APPL2: variants seen among roughly 807,000 people sequenced by gnomAD.
APPL2 encodes the protein adaptor protein, phosphotyrosine interacting with PH domain and leucine zipper 2.
Under a neutral mutation model 92.7 loss-of-function variants are expected in APPL2, and 84 were observed. That is an observed-to-expected ratio of 0.91 (90% CI 0.76 to 1.09). The LOEUF is 1.09. Among genes scored for constraint, APPL2 ranks in the 50% least tolerant of loss-of-function variants. The pLI is 0.00. For synonymous variants in APPL2, 291 were observed against 291.0 expected (o/e 1.00, Z 0.00); for missense variants, 736 against 824.5 (o/e 0.89, Z 1.31).
intron 16 of APPL2, among the ~76,000 whole-genome samples, chr12:105,188,939 A>AGTCCTGG (rs927697727): frequency 1.0e-4 from 16 of 152,394 alleles, no homozygotes; most frequent in Admixed American, 3.9e-4. Context: ...AAAGGAAGTC[A>AGTCCTGG]GTCCTGGCTG....
rs370440032 is a variant in APPL2 at position 105,191,753 on chromosome 12, C to T, written c.1242-1598G>A. Reference sequence around the variant, plus strand: ...TTAAAGCATCTAACACAGCTGATCTCTCCTTGAACTCTCCTCTCGGTTTCG... The same window carrying T: ...TTAAAGCATCTAACACAGCTGATCTTTCCTTGAACTCTCCTCTCGGTTTCG... On this transcript the variant is annotated intron_variant, in intron 14 of 20. Coordinates refer to ENST00000258530, the MANE Select transcript of APPL2 (RefSeq NM_018171.5). Among the ~76,000 whole-genome samples, 28 of 152,326 alleles carry T rather than the reference C, an allele frequency of 1.8e-4. No individual in the cohort carries two copies. The East Asian group carries it at 4.2e-3, about 23-fold the overall frequency.
At position 105,236,123 on chromosome 12, in the gene APPL2, G is replaced by A. The variant is rs930646187; in HGVS notation, c.-111C>T. ...TCAGGCGACGCGGCGGCCACTCCGTGCCCGCGGCGGCCCCGCGCGCGTCCA... is the reference window on the plus strand; with the variant it reads ...TCAGGCGACGCGGCGGCCACTCCGTACCCGCGGCGGCCCCGCGCGCGTCCA... On this transcript the variant is annotated 5_prime_UTR_variant, in exon 1 of 21. Coordinates refer to ENST00000258530, the MANE Select transcript of APPL2 (RefSeq NM_018171.5). 5.6e-6 allele frequency: 4 copies of A among 716,012 alleles called. No individual in the cohort carries two copies. In the African/African-American group the frequency reaches 6.0e-5, roughly 11 times the overall value. 44.4% of individuals were successfully genotyped at this position (716,012 alleles called of 1,614,324 possible).
chr12:105,192,971 C>A (rs571172621), intron 14 of APPL2, among the ~76,000 whole-genome samples: 33 of 152,318 alleles, frequency 2.2e-4, no homozygotes, highest in Admixed American at 3.9e-4. Flanking sequence ...TTTCCCCCCC[C>A]ACTGTCATCA....
chr12:105,204,407 A>G (rs1888523649), intron 8 of APPL2, among the ~76,000 whole-genome samples: 1 of 152,156 alleles, frequency 6.6e-6, no homozygotes, highest in Admixed American at 6.5e-5. Context: ...GCTAGCAGGT[A>G]TTCTCAGCAT....
At position 105,174,115 on chromosome 12, in the gene APPL2, C is replaced by T. The variant is rs1326302054; in HGVS notation, c.*199G>A. 1.8e-6 allele frequency: 1 copy of T among 551,878 alleles called. No homozygotes were observed. The highest frequency in any genetic ancestry group is 2.9e-6 in the Non-Finnish European group (1 of 339,184). The allele number at this position is 551,878 out of a possible 1,614,324, so 34.2% of individuals were successfully genotyped here. A position where few individuals can be genotyped will look rare whatever the true frequency, so the allele number is the denominator to read the frequency against. On this transcript the variant is annotated 3_prime_UTR_variant, in exon 21 of 21. Coordinates refer to ENST00000258530, the MANE Select transcript of APPL2 (RefSeq NM_018171.5). ...ACTTACCACAAAGCACCTAAAATAA[C>T]ATTGTAGATGGGTGGGAACGCTGTC...
intron 2 of APPL2, among the ~76,000 whole-genome samples, chr12:105,223,700 GGAT>G (rs1293230537): frequency 3.5e-4 from 54 of 152,182 alleles, no homozygotes; most frequent in African/African-American, 1.3e-3. Flanking sequence ...CTTCAAGAAA[GGAT>G]GAGAGGACTA....
In APPL2 at chr12:105,173,735, AC is replaced by A. The variant is rs1262672234; in HGVS notation, c.*578del. 1 of 152,322 alleles carries A rather than the reference AC, an allele frequency of 6.6e-6. No individual in the cohort carries two copies. The highest frequency in any genetic ancestry group is 1.5e-5 in the Non-Finnish European group (1 of 68,052). 9.4% of individuals were successfully genotyped at this position (152,322 alleles called of 1,614,324 possible). ...TTATTGCTTGATGTCTGGAACAGTT[AC>A]CGAAACTAGACCTGTATCGCGCATC... On this transcript the variant is annotated 3_prime_UTR_variant, in exon 21 of 21. Coordinates refer to ENST00000258530, the MANE Select transcript of APPL2 (RefSeq NM_018171.5).
intron 2 of APPL2, 142 bp from the exon 3 acceptor site, chr12:105,217,867 T>C (rs1270731131): frequency 1.6e-5 from 11 of 677,696 alleles, no homozygotes; most frequent in African/African-American, 7.3e-5. Context: ...CTTTGGGAGA[T>C]TGAGGCAGGA....
rs116001763 is a variant in APPL2 at position 105,177,481 on chromosome 12, T to C, written c.1635-219A>G. On this transcript the variant is annotated intron_variant, in intron 17 of 20. Transcript: ENST00000258530. ...AGGGTACCTATAATGGAAGATTATA[T>C]AGCAAGTAGAAGATTTAACTTCACA... 1,226 of 568,288 alleles carry C rather than the reference T, an allele frequency of 2.2e-3. 14 individuals are homozygous for C. The highest frequency in any genetic ancestry group is 0.021 in the African/African-American group (1,095 of 53,296). The allele number at this position is 568,288 out of a possible 1,614,324, so 35.2% of individuals were successfully genotyped here.
chr12:105,175,120 G>T (rs1257500852), intron 20 of APPL2, among the ~76,000 whole-genome samples: 1 of 152,194 alleles, frequency 6.6e-6, no homozygotes, highest in Non-Finnish European at 1.5e-5. Flanking sequence ...CTGACCTCAG[G>T]TGATCCTCCT....
chr12:105,183,944 C>T (rs1433138213), intron 17 of APPL2, among the ~76,000 whole-genome samples: 2 of 152,170 alleles, frequency 1.3e-5, no homozygotes, highest in Non-Finnish European at 2.9e-5. Context: ...TTCTTAGAGG[C>T]TTTATTCACT....
intron 9 of APPL2, among the ~76,000 whole-genome samples, chr12:105,199,966 T>C (rs567589159): frequency 1.5e-4 from 23 of 151,506 alleles, no homozygotes; most frequent in Non-Finnish European, 2.2e-4. Flanking sequence ...CTACCGGCGC[T>C]CGCCACCATG....
At chr12:105,217,827 G>T in intron 2 of APPL2, 102 bp from the exon 3 acceptor site, 1 of 1,053,316 alleles carries the variant, frequency 9.5e-7, no homozygotes. Context: ...TATTGGCTGG[G>T]TCCAGTGGTG....
intron 1 of APPL2, chr12:105,229,872 G>A (rs186279224): frequency 1.3e-4 from 74 of 552,522 alleles, no homozygotes; most frequent in Admixed American, 1.9e-4. Flanking sequence ...TCTGCTTCCC[G>A]GGCTCAAGGG....
intron 1 of APPL2, among the ~76,000 whole-genome samples, chr12:105,231,505 C>G (rs1179589351): frequency 3.9e-5 from 6 of 152,166 alleles, no homozygotes; most frequent in Non-Finnish European, 7.3e-5. Context: ...TGAGGCTCAT[C>G]AAGGTTAAGA....
At chr12:105,192,852 A>C (rs1387978026) in intron 14 of APPL2, among the ~76,000 whole-genome samples, 1 of 152,230 alleles carries the variant, frequency 6.6e-6, no homozygotes, top group East Asian at 1.9e-4. Flanking sequence ...AGCTAGATAA[A>C]TGAATGAACA....
intron 17 of APPL2, among the ~76,000 whole-genome samples, chr12:105,183,014 CTTT>C (rs1486335240): frequency 2.1e-5 from 3 of 144,070 alleles, no homozygotes; most frequent in Non-Finnish European, 4.5e-5. Context: ...TAATGCCCTT[CTTT>C]GTCTTTTTTG....
rs563692967 is a variant in APPL2, at chr12:105,236,071, G to A, written c.-59C>T. The stretch of plus-strand genomic sequence containing the variant: ...AAGGACAGAGGGCAGGAGACGCGGC[G>A]GCCGAGAGCACTCCCCGGCTCTGGG... On this transcript the variant is annotated 5_prime_UTR_variant, in exon 1 of 21. Transcript: ENST00000258530. 3.4e-6 allele frequency: 4 copies of A among 1,185,284 alleles called. No homozygotes were observed. The highest frequency in any genetic ancestry group is 3.3e-5 in the East Asian group (1 of 29,970). 73.4% of individuals were successfully genotyped at this position (1,185,284 alleles called of 1,614,324 possible).
intron 17 of APPL2, among the ~76,000 whole-genome samples, chr12:105,181,489 A>G (rs1886108639): frequency 6.6e-6 from 1 of 152,110 alleles, no homozygotes; most frequent in East Asian, 1.9e-4. Context: ...TGAGTTAGGG[A>G]GGAGTCCCTC....
Sources: allele counts gnomAD v4.1 joint callset (sites outside exome capture counted in the v4.1 genomes callset), GRCh38; gene constraint gnomAD v4.1.1; transcripts MANE v1.5; gene names NCBI Gene and HGNC (gene_info 2026-07-23, HGNC 2026-07-21).